The following GAMT variants were observed in gnomAD, a reference collection of about 807,000 sequenced individuals.
GAMT encodes the protein epididymis secretory protein Li 20.
A neutral mutation model predicts 26.9 loss-of-function variants in GAMT; 26 were observed. That is an observed-to-expected ratio of 0.97 (90% CI 0.71 to 1.34). The LOEUF (loss-of-function observed/expected upper bound fraction) is 1.34, where lower values mean the gene tolerates loss of function less well. GAMT is among the 40% of genes most tolerant of loss of function. The probability of loss-of-function intolerance (pLI) is 0.00; values close to 1 mark genes in which losing one functional copy is unlikely to be tolerated. For missense variants in GAMT, 412 were observed against 345.0 expected, an observed-to-expected ratio of 1.19 and a Z score of -1.54; for synonymous variants, 169 against 149.6, an observed-to-expected ratio of 1.13 and a Z score of -0.95.
chr19:1,401,049 CG>C (rs557743081), intron 1 of GAMT, among the ~76,000 whole-genome samples: 3 of 152,178 alleles, frequency 2.0e-5, no homozygotes, highest in African/African-American at 4.8e-5. Context: ...ATCTGGAGAG[CG>C]GGGGGCCTCA....
intron 5 of GAMT, chr19:1,398,144 C>G (rs11670139): frequency 0.099 from 94,758 of 958,184 alleles, 5,132 homozygotes; most frequent in Non-Finnish European, 0.11. Context: ...GTTGCCCAGG[C>G]TGGAGTACAA....
rs781255275 is a variant in GAMT at position 1,398,971 on chromosome 19, G to A, written c.515C>T (p.Thr172Ile). Residue 172 changes from threonine (T) to isoleucine (I), a missense_variant, in exon 5 of 6, where the codon ACC becomes ATC. Coordinates refer to ENST00000252288, the MANE Select transcript of GAMT (RefSeq NM_000156.6). ...PGGVLTYCNL[T>I]SWGELMKSKY... ...GGACTTCATCAGCTCCCCCCAGGAG[G>A]TGAGGTTGCAGTAGGTGAGGACGCC... 30 of 1,613,378 alleles carry A rather than the reference G, an allele frequency of 1.9e-5. No homozygotes were observed. Among genetic ancestry groups the A allele is most frequent in the South Asian group, 4.4e-5 (4 of 91,090 alleles).
chr19:1,398,964 C>G lies in GAMT; in HGVS notation c.522G>C (p.Trp174Cys), dbSNP rs370421531. ...AGTACTTGGACTTCATCAGCTCCCC[C>G]CAGGAGGTGAGGTTGCAGTAGGTGA... ...GVLTYCNLTS[W>C]GELMKSKYSD... Residue 174 changes from tryptophan (W) to cysteine (C), a missense_variant, in exon 5 of 6, where the codon TGG (tryptophan) becomes TGC (cysteine). Physicochemically the swap from Trp to Cys is radical, Grantham distance 215. Coordinates refer to ENST00000252288, the MANE Select transcript of GAMT (RefSeq NM_000156.6). The G allele has an allele frequency of 2.5e-6, 4 of 1,613,322 alleles. No homozygotes were observed. Among genetic ancestry groups the G allele is most frequent in the East Asian group, 2.2e-5 (1 of 44,900 alleles).
Position 1,401,535 on chromosome 19 carries a change from A to C in GAMT, c.-59T>G, listed in dbSNP as rs1049810011. 7.6e-5 allele frequency: 89 copies of C among 1,178,790 alleles called. No individual in the cohort carries two copies. The highest frequency in any genetic ancestry group is 3.2e-4 in the Middle Eastern group (1 of 3,086). 73.0% of individuals were successfully genotyped at this position (1,178,790 alleles called of 1,614,324 possible). The stretch of plus-strand genomic sequence containing the variant: ...CGCGCCGCCCGGGCCCGCTCCCTGC[A>C]GGGGCTTGTGGGCCGGGGGCGGGTC... On this transcript the variant is annotated 5_prime_UTR_variant, in exon 1 of 6. Transcript: ENST00000252288.
intron 5 of GAMT, chr19:1,398,135 T>C: frequency 1.0e-6 from 1 of 978,244 alleles, no homozygotes; most frequent in Non-Finnish European, 1.2e-6. Context: ...TCTCGGTCTG[T>C]TGCCCAGGCT....
intron 1 of GAMT, 54 bp downstream of exon 1, chr19:1,401,242 C>G (rs938258881): frequency 3.0e-6 from 4 of 1,331,892 alleles, no homozygotes; most frequent in Non-Finnish European, 3.9e-6. Context: ...GGGGCAGCCC[C>G]GGCCTCAGTT....
Position 1,397,326 on chromosome 19 carries a change from A to C in GAMT, c.*33T>G, listed in dbSNP as rs1447190148. ...ACTCCCGGCCAGGAAGGCACGGAGG[A>C]GGGCATGGGTGTGGCCGGGCCGGGG... On this transcript the variant is annotated 3_prime_UTR_variant, in exon 6 of 6. Transcript: ENST00000252288. The C allele has an allele frequency of 1.9e-6, 3 of 1,593,872 alleles. No homozygotes were observed. In the Admixed American group the frequency reaches 5.2e-5, roughly 28 times the overall value.
In GAMT at chr19:1,397,226, C is replaced by G. The variant is rs1287380777; in HGVS notation, c.*133G>C. ...TGGGATCAGCCCTGGGCTGGTGGGA[C>G]CCCTCACAGAGAAGCCGGGAAAGCT... On this transcript the variant is annotated 3_prime_UTR_variant, in exon 6 of 6. Coordinates refer to ENST00000252288, the MANE Select transcript of GAMT (RefSeq NM_000156.6). 4 of 1,086,226 alleles carry G rather than the reference C, an allele frequency of 3.7e-6. No individual in the cohort carries two copies. Among genetic ancestry groups the G allele is most frequent in the African/African-American group, 1.6e-5 (1 of 64,476 alleles). The allele number at this position is 1,086,226 out of a possible 1,614,324, so 67.3% of individuals were successfully genotyped here. A position where few individuals can be genotyped will look rare whatever the true frequency, so the allele number is the denominator to read the frequency against.
chr19:1,397,724 A>G (rs1392146762), intron 5 of GAMT: 14 of 1,412,158 alleles, frequency 9.9e-6, no homozygotes, highest in Admixed American at 2.8e-5. Flanking sequence ...CCCCAGCCCC[A>G]CACTCGAGCC....
In GAMT at chr19:1,399,841, G is replaced by A. The variant is rs144630886; in HGVS notation, c.279C>T (p.Asp93=). 418 of 1,594,890 alleles carry A rather than the reference G, an allele frequency of 2.6e-4. 1 individual carries two copies. Among genetic ancestry groups the A allele is most frequent in the East Asian group, 2.6e-3 (113 of 44,012 alleles). ...IDEHWIIECN[D]GVFQRLRDWA... is the part of the protein sequence containing the mutation. ...AGTCCCGGAGCCGCTGGAAGACGCC[G>A]TCATTGCACTCGATGATCCAATGCT... Residue 93 remains aspartate, a synonymous_variant, in exon 2 of 6, where the codon GAC becomes GAT. Transcript: ENST00000252288. This position sits in a 1 kb window ranked among gnomAD's most constrained non-coding sequence, Gnocchi z 6.2.
rs575350720 is a variant in GAMT at position 1,401,310 on chromosome 19, G to A, written c.167C>T (p.Ala56Val). Residue 56 changes from alanine (A) to valine (V), a missense_variant, in exon 1 of 6, where the codon GCC (alanine) becomes GTC (valine). Physicochemically the swap from Ala to Val is moderately conservative, Grantham distance 64 (BLOSUM62 0). Transcript: ENST00000252288. Reference sequence around the variant, plus strand: ...GCGGGGGCTACCTTTGGAGGAGGCGGCGGCGGCCAGCGCGTGCATATAGGG... The same window carrying A: ...GCGGGGGCTACCTTTGGAGGAGGCGACGGCGGCCAGCGCGTGCATATAGGG... ...ETPYMHALAA[A>V]ASSKGGRVLE... is the part of the protein sequence containing the mutation. The A allele has an allele frequency of 2.6e-5, 39 of 1,513,158 alleles. No individual in the cohort carries two copies. In the Admixed American group the frequency reaches 3.5e-4, roughly 14 times the overall value. The allele number at this position is 1,513,158 out of a possible 1,614,324, so 93.7% of individuals were successfully genotyped here. A position where few individuals can be genotyped will look rare whatever the true frequency, so the allele number is the denominator to read the frequency against.
chr19:1,399,657 G>A lies in GAMT; in HGVS notation c.328-70C>T. On this transcript the variant is annotated intron_variant, in intron 2 of 5. Coordinates refer to ENST00000252288, the MANE Select transcript of GAMT (RefSeq NM_000156.6). This position sits in a 1 kb window ranked among gnomAD's most constrained non-coding sequence, Gnocchi z 6.2. ...CCCAGGATCTCCCCACCTGCAGAAA[G>A]GGAGCGGCCAGGGGGACTCCCGAGA... is the stretch of plus-strand genomic sequence containing the variant. 6.4e-7 allele frequency: 1 copy of A among 1,551,794 alleles called. No homozygotes were observed. The highest frequency in any genetic ancestry group is 8.7e-7 in the Non-Finnish European group (1 of 1,143,096).
intron 5 of GAMT, chr19:1,397,811 A>G: frequency 7.9e-7 from 1 of 1,264,938 alleles, no homozygotes. Context: ...CACCAGAAAA[A>G]GAACACAGGC....
intron 5 of GAMT, chr19:1,397,749 A>C (rs1600157414): frequency 7.1e-7 from 1 of 1,398,810 alleles, no homozygotes; most frequent in East Asian, 2.7e-5. Context: ...CCGGGCACCT[A>C]CTCCACAGTT....
At chr19:1,400,049 CGCAGG>C in intron 1 of GAMT, 111 bp from the exon 2 acceptor site, 1 of 1,212,900 alleles carries the variant, frequency 8.2e-7, no homozygotes. Flanking sequence ...GAGGAGGGGG[CGCAGG>C]GCTGGGCTGG....
chr19:1,401,334 G>A lies in GAMT; in HGVS notation c.143C>T (p.Pro48Leu). The A allele has an allele frequency of 1.3e-6, 2 of 1,534,258 alleles. No homozygotes were observed. Among genetic ancestry groups the A allele is most frequent in the Non-Finnish European group, 1.7e-6 (2 of 1,148,852 alleles). Residue 48 changes from proline (P) to leucine (L), a missense_variant, in exon 1 of 6, where the codon CCC (proline) becomes CTC (leucine). By Grantham distance (98) the Pro-to-Leu change is moderately conservative (BLOSUM62 -3). Transcript: ENST00000252288. ...GKPVMERWET[P>L]YMHALAAAAS... ...GGCGGCGGCCAGCGCGTGCATATAGGGGGTCTCCCAGCGCTCCATCACCGG... is the reference window on the plus strand; with the variant it reads ...GGCGGCGGCCAGCGCGTGCATATAGAGGGTCTCCCAGCGCTCCATCACCGG...
At chr19:1,398,617 T>C (rs577110649) in intron 5 of GAMT, 1 of 871,364 alleles carries the variant, frequency 1.1e-6, no homozygotes, top group African/African-American at 1.7e-5. Context: ...TTGTATTTTT[T>C]TTTTTTAGGA....
At position 1,401,537 on chromosome 19, in the gene GAMT, G is replaced by C. The variant is rs889910013; in HGVS notation, c.-61C>G. The C allele has an allele frequency of 8.7e-7, 1 of 1,145,848 alleles. No individual in the cohort carries two copies. 71.0% of individuals were successfully genotyped at this position (1,145,848 alleles called of 1,614,324 possible). On this transcript the variant is annotated 5_prime_UTR_variant, in exon 1 of 6. Coordinates refer to ENST00000252288, the MANE Select transcript of GAMT (RefSeq NM_000156.6). ...CGCCGCCCGGGCCCGCTCCCTGCAGGGGCTTGTGGGCCGGGGGCGGGTCCA... is the reference window on the plus strand; with the variant it reads ...CGCCGCCCGGGCCCGCTCCCTGCAGCGGCTTGTGGGCCGGGGGCGGGTCCA...
chr19:1,398,099 T>C (rs2082611005), intron 5 of GAMT: 1 of 994,000 alleles, frequency 1.0e-6, no homozygotes, highest in South Asian at 4.5e-5. Context: ...TTCCATTTTT[T>C]TTGTTTTTGT....
Sources: gnomAD v4.1 joint callset for allele counts (sites outside exome capture counted in the v4.1 genomes callset) on GRCh38, gnomAD v4.1.1 for gene constraint, Gnocchi (gnomAD v3.1) non-coding constraint, MANE v1.5 for transcripts, NCBI Gene and HGNC (gene_info 2026-07-23, HGNC 2026-07-21) for gene names.